ATP11A: variants seen among roughly 807,000 people sequenced by gnomAD.
ATP11A encodes phospholipid-transporting ATPase IH.
In ATP11A, 81 loss-of-function variants were observed where a neutral mutation model predicts 154.4. The observed-to-expected ratio is 0.52, with a 90% CI of 0.44 to 0.63. The LOEUF (loss-of-function observed/expected upper bound fraction) is 0.63. ATP11A is among the 30% of genes least tolerant of loss of function. The probability of loss-of-function intolerance (pLI) is 0.00; values close to 1 mark genes in which losing one functional copy is unlikely to be tolerated. For missense variants in ATP11A, 1,316 were observed against 1,474.3 expected (o/e 0.89, Z 1.76); for synonymous variants, 623 against 585.9 (o/e 1.06, Z -0.91).
In ATP11A at chr13:112,873,315, G is replaced by A. The variant is rs2080600782; in HGVS notation, c.3058-258G>A. 8 of 453,972 alleles carry A rather than the reference G, an allele frequency of 1.8e-5. 1 individual carries two copies. The South Asian group carries it at 1.8e-4, about 10-fold the overall frequency. The allele number at this position is 453,972 out of a possible 1,614,324, so 28.1% of individuals were successfully genotyped here. Reference sequence around the variant, plus strand: ...GGCTTTGTCTTCCTGAACAGTGTGAGGTGTGGCTTTGTCTTCCTGAGCGGT... The same window carrying A: ...GGCTTTGTCTTCCTGAACAGTGTGAAGTGTGGCTTTGTCTTCCTGAGCGGT... On this transcript the variant is annotated intron_variant, in intron 26 of 29. Coordinates refer to ENST00000375645, the MANE Select transcript of ATP11A (RefSeq NM_015205.3).
At chr13:112,781,654 G>C (rs1288114140) in intron 1 of ATP11A, among the ~76,000 whole-genome samples, 1 of 152,130 alleles carries the variant, frequency 6.6e-6, no homozygotes, top group Non-Finnish European at 1.5e-5. Flanking sequence ...TGGGGGTCCA[G>C]CGTGTTTTCG....
chr13:112,865,321 C>T (rs1419303519), intron 25 of ATP11A, among the ~76,000 whole-genome samples: 10 of 151,826 alleles, frequency 6.6e-5, no homozygotes, highest in East Asian at 1.9e-4. Flanking sequence ...CAGTGCAGCC[C>T]GTGCAGCTTC....
chr13:112,691,894 C>T (rs1399658568), intron 1 of ATP11A, among the ~76,000 whole-genome samples: 1 of 151,892 alleles, frequency 6.6e-6, no homozygotes, highest in Non-Finnish European at 1.5e-5. Flanking sequence ...GAAGGTCAGC[C>T]TGACTTACTT....
intron 17 of ATP11A, among the ~76,000 whole-genome samples, chr13:112,849,076 G>T (rs1486311706): frequency 1.3e-5 from 2 of 151,890 alleles, no homozygotes; most frequent in African/African-American, 4.8e-5. Context: ...AAAGGTGCTG[G>T]TTTTTTTTCA....
intron 4 of ATP11A, among the ~76,000 whole-genome samples, chr13:112,808,205 G>A (rs1302817752): frequency 6.6e-6 from 1 of 151,996 alleles, no homozygotes; most frequent in Non-Finnish European, 1.5e-5. Context: ...CCCTGGCTGT[G>A]TCCCCTCCCA....
At chr13:112,751,738 C>A (rs539600347) in intron 1 of ATP11A, among the ~76,000 whole-genome samples, 7 of 152,084 alleles carry the variant, frequency 4.6e-5, no homozygotes, top group Non-Finnish European at 7.4e-5. Context: ...AATCCCCCCC[C>A]CCTTTTTTTG....
chr13:112,865,135 C>A (rs12853725), intron 25 of ATP11A, among the ~76,000 whole-genome samples: 204 of 63,624 alleles, frequency 3.2e-3, no homozygotes, highest in Middle Eastern at 0.014. Flanking sequence ...CCATCACCAC[C>A]TGCGCAGTAA....
intron 1 of ATP11A, among the ~76,000 whole-genome samples, chr13:112,691,716 G>A (rs990352670): frequency 6.6e-6 from 1 of 152,100 alleles, no homozygotes; most frequent in East Asian, 1.9e-4. Context: ...TCATATTTAT[G>A]AGCCTTCTTT....
intron 1 of ATP11A, among the ~76,000 whole-genome samples, chr13:112,758,573 G>A (rs982448660): frequency 4.0e-5 from 6 of 151,396 alleles, no homozygotes; most frequent in South Asian, 2.1e-4. Context: ...ACAGGCGCCC[G>A]CCACCATGCC....
chr13:112,699,281 G>A (rs1886236771), intron 1 of ATP11A, among the ~76,000 whole-genome samples: 2 of 152,200 alleles, frequency 1.3e-5, no homozygotes. Flanking sequence ...TACTCTGAAT[G>A]TGTTTAAGTA....
intron 1 of ATP11A, among the ~76,000 whole-genome samples, chr13:112,716,768 G>T (rs1347166034): frequency 6.6e-6 from 1 of 152,220 alleles, no homozygotes; most frequent in African/African-American, 2.4e-5. Context: ...TGCGTGAGTG[G>T]GGCAGTGGCA....
rs1124540 is a variant in ATP11A, at chr13:112,859,505, G to A, written c.2727+53G>A. The A allele has an allele frequency of 0.015, 22,240 of 1,453,066 alleles. 348 individuals carry two copies. Among genetic ancestry groups the A allele is most frequent in the Admixed American group, 0.072 (4,303 of 59,788 alleles). The allele number at this position is 1,453,066 out of a possible 1,614,324, so 90.0% of individuals were successfully genotyped here. A position where few individuals can be genotyped will look rare whatever the true frequency, so the allele number is the denominator to read the frequency against. On this transcript the variant is annotated intron_variant, in intron 23 of 29. Transcript: ENST00000375645. This position sits in a 1 kb window ranked among gnomAD's most constrained non-coding sequence, Gnocchi z 4.3. ...CTGTCTGAGCCTTCTTTTCCTTCCCGCAGTGGGTGGCTGCTGTGGGGAGGG... is the reference window on the plus strand; with the variant it reads ...CTGTCTGAGCCTTCTTTTCCTTCCCACAGTGGGTGGCTGCTGTGGGGAGGG...
rs2080676671 is a variant in ATP11A at position 112,875,063 on chromosome 13, G to A, written c.3162-713G>A. Among the ~76,000 whole-genome samples, 1 of 152,116 alleles carries A rather than the reference G, an allele frequency of 6.6e-6. No homozygotes were observed. The highest frequency in any genetic ancestry group is 1.5e-5 in the Non-Finnish European group (1 of 68,018). Reference sequence around the variant, plus strand: ...CCTGCCCGCCACCAGCACCACGTGGGTGCCCCCAGCCCCATCCCAGGTCTG... The same window carrying A: ...CCTGCCCGCCACCAGCACCACGTGGATGCCCCCAGCCCCATCCCAGGTCTG... On this transcript the variant is annotated intron_variant, in intron 27 of 29. Coordinates refer to ENST00000375645, the MANE Select transcript of ATP11A (RefSeq NM_015205.3). This position sits in a 1 kb window ranked among gnomAD's most constrained non-coding sequence, Gnocchi z 4.1.
intron 16 of ATP11A, among the ~76,000 whole-genome samples, chr13:112,841,105 C>T (rs923082343): frequency 6.6e-6 from 1 of 152,268 alleles, no homozygotes; most frequent in Non-Finnish European, 1.5e-5. Context: ...AGCCGCCTGG[C>T]AGAGTGCCAC....
intron 1 of ATP11A, among the ~76,000 whole-genome samples, chr13:112,720,007 A>G (rs999354131): frequency 2.6e-5 from 4 of 152,270 alleles, no homozygotes; most frequent in Admixed American, 6.5e-5. Flanking sequence ...TGTTGTAGCA[A>G]TGAAAACATC....
intron 1 of ATP11A, among the ~76,000 whole-genome samples, chr13:112,720,469 G>A (rs894981241): frequency 1.3e-5 from 2 of 152,240 alleles, no homozygotes; most frequent in Non-Finnish European, 2.9e-5. Context: ...TGCTGTGGCC[G>A]CGGGTCCCGT....
At chr13:112,777,495 C>T (rs2077376288) in intron 1 of ATP11A, among the ~76,000 whole-genome samples, 2 of 152,168 alleles carry the variant, frequency 1.3e-5, no homozygotes, top group East Asian at 1.9e-4. Flanking sequence ...ACCCGGGAGG[C>T]GAAGGTTGCA....
intron 1 of ATP11A, among the ~76,000 whole-genome samples, chr13:112,702,312 C>G (rs1480055289): frequency 6.7e-6 from 1 of 149,838 alleles, no homozygotes; most frequent in Non-Finnish European, 1.5e-5. Context: ...CACCTTTGCT[C>G]TCCAGCCTGG....
chr13:112,826,849 G>T lies in ATP11A; in HGVS notation c.1179G>T (p.Gly393=), dbSNP rs767211204. ...TGTTTGACGAGGAGACTGGCGAGGGGCCTCTGGTGAACACGTCGGACCTCA... is the reference window on the plus strand; with the variant it reads ...TGTTTGACGAGGAGACTGGCGAGGGTCCTCTGGTGAACACGTCGGACCTCA... The part of the protein sequence containing the change: ...EDMFDEETGE[G]PLVNTSDLNE... Residue 393 remains glycine, a synonymous_variant, in exon 12 of 30, where the codon GGG becomes GGT. Coordinates refer to ENST00000375645, the MANE Select transcript of ATP11A (RefSeq NM_015205.3). 9 of 1,614,084 alleles carry T rather than the reference G, an allele frequency of 5.6e-6. No individual in the cohort carries two copies. In the East Asian group the frequency reaches 1.8e-4, roughly 32 times the overall value.
Sources: gnomAD v4.1 joint callset for allele counts (sites outside exome capture counted in the v4.1 genomes callset) on GRCh38, gnomAD v4.1.1 for gene constraint, Gnocchi (gnomAD v3.1) non-coding constraint, MANE v1.5 for transcripts, NCBI Gene and HGNC (gene_info 2026-07-23, HGNC 2026-07-21) for gene names.